Variants in FANCC observed in about 807,000 individuals in gnomAD.
The protein encoded by FANCC is Fanconi anemia group C protein.
A neutral mutation model predicts 71.3 loss-of-function variants in FANCC; 55 were observed. That is an observed-to-expected ratio of 0.77 (90% CI 0.62 to 0.97). The LOEUF is 0.97. Ranked by LOEUF, FANCC falls within the 50% of genes least tolerant of loss-of-function variation. The pLI is 0.00. For synonymous variants in FANCC, 275 were observed against 244.9 expected, an observed-to-expected ratio of 1.12 and a Z score of -1.15; for missense variants, 678 against 670.9, an observed-to-expected ratio of 1.01 and a Z score of -0.12.
intron 1 of FANCC, among the ~76,000 whole-genome samples, chr9:95,309,653 C>T (rs888246342): frequency 6.6e-6 from 1 of 152,164 alleles, no homozygotes; most frequent in Non-Finnish European, 1.5e-5. Context: ...TATACTATAT[C>T]ACCTAGGATG....
chr9:95,293,920 G>C, intron 1 of FANCC: 1 of 1,591,176 alleles, frequency 6.3e-7, no homozygotes, highest in Non-Finnish European at 8.6e-7. Context: ...ATATAATGTT[G>C]CTACAAGTAA....
At chr9:95,297,531 G>T (rs1432466714) in intron 1 of FANCC, among the ~76,000 whole-genome samples, 1 of 152,116 alleles carries the variant, frequency 6.6e-6, no homozygotes, top group African/African-American at 2.4e-5. Context: ...AATGAATGCT[G>T]ACTCTTGTTA....
rs2404457 is a variant in FANCC at position 95,111,153 on chromosome 9, G to A, written c.1329+310C>T. 623,099 of 1,534,788 alleles carry A rather than the reference G, an allele frequency of 0.41. 129,538 individuals carry two copies. The highest frequency in any genetic ancestry group is 0.57 in the East Asian group (23,372 of 40,876). The stretch of plus-strand genomic sequence containing the variant: ...CCGCCTCTGCAGGGCACGCCTTGGA[G>A]GACGCGACCCTGGGGCAGATATGGC... On this transcript the variant is annotated intron_variant, in intron 13 of 14. Coordinates refer to ENST00000289081, the MANE Select transcript of FANCC (RefSeq NM_000136.3).
At chr9:95,110,926 T>C (rs2071864200) in intron 13 of FANCC, 5 of 1,327,214 alleles carry the variant, frequency 3.8e-6, no homozygotes, top group Non-Finnish European at 2.9e-6. Flanking sequence ...AATGACCAAC[T>C]TCTTTTTCAG....
At position 95,307,858 on chromosome 9, in the gene FANCC, A is replaced by G. The variant is rs1835155358; in HGVS notation, c.-79+9668T>C. Among the ~76,000 whole-genome samples the G allele has an allele frequency of 2.6e-5, 4 of 152,226 alleles. No individual in the cohort carries two copies. The South Asian group carries it at 8.3e-4, about 32-fold the overall frequency. On this transcript the variant is annotated intron_variant, in intron 1 of 14. Transcript: ENST00000289081. ...GTCTGTTTTGTGCTGCTATACCAGA[A>G]TATGTGAGACTCAGTAGTTTACAAA...
intron 1 of FANCC, among the ~76,000 whole-genome samples, chr9:95,312,487 G>A (rs1392177773): frequency 1.3e-5 from 2 of 152,250 alleles, no homozygotes; most frequent in East Asian, 1.9e-4. Context: ...ATCAGCCTCC[G>A]TAGTAGGTGG....
chr9:95,135,065 T>C (rs1827469621), intron 8 of FANCC, among the ~76,000 whole-genome samples: 1 of 152,242 alleles, frequency 6.6e-6, no homozygotes, highest in African/African-American at 2.4e-5. Context: ...AAATAAGAAA[T>C]ACTGTTTTTA....
chr9:95,313,742 T>C (rs1211069344), intron 1 of FANCC, among the ~76,000 whole-genome samples: 2 of 152,112 alleles, frequency 1.3e-5, no homozygotes, highest in Non-Finnish European at 2.9e-5. Flanking sequence ...TCCAGCAATA[T>C]GTAAAAAGGA....
At chr9:95,274,439 G>T (rs1361148843) in intron 1 of FANCC, among the ~76,000 whole-genome samples, 1 of 152,134 alleles carries the variant, frequency 6.6e-6, no homozygotes, top group African/African-American at 2.4e-5. Context: ...TGGGCATTTG[G>T]GTTGGTTCCA....
chr9:95,235,434 C>T (rs1830257524), intron 4 of FANCC, among the ~76,000 whole-genome samples: 1 of 152,226 alleles, frequency 6.6e-6, no homozygotes, highest in Non-Finnish European at 1.5e-5. Context: ...CCACCTTACA[C>T]CACACCATAA....
chr9:95,290,334 A>C (rs1833929425), intron 1 of FANCC, among the ~76,000 whole-genome samples: 1 of 152,158 alleles, frequency 6.6e-6, no homozygotes, highest in South Asian at 2.1e-4. Context: ...CATTAGGGAA[A>C]CTGAGGATCT....
intron 1 of FANCC, among the ~76,000 whole-genome samples, chr9:95,307,113 G>C (rs572801781): frequency 6.6e-6 from 1 of 152,026 alleles, no homozygotes; most frequent in Non-Finnish European, 1.5e-5. Context: ...CTGAACTTAC[G>C]GGCTCAAGTG....
At chr9:95,163,086 T>C (rs566474163) in intron 6 of FANCC, among the ~76,000 whole-genome samples, 39 of 152,340 alleles carry the variant, frequency 2.6e-4, no homozygotes, top group Non-Finnish European at 4.7e-4. Flanking sequence ...TTTAGGTCTT[T>C]CATCTATTTT....
At chr9:95,221,348 A>G (rs1375021424) in intron 4 of FANCC, among the ~76,000 whole-genome samples, 1 of 152,240 alleles carries the variant, frequency 6.6e-6, no homozygotes, top group Non-Finnish European at 1.5e-5. Context: ...AAGTTAACTT[A>G]AAATAGATCA....
chr9:95,101,317 G>A lies in FANCC; in HGVS notation c.*390C>T, dbSNP rs911566667. On this transcript the variant is annotated 3_prime_UTR_variant, in exon 15 of 15. Coordinates refer to ENST00000289081, the MANE Select transcript of FANCC (RefSeq NM_000136.3). ...CTAAGTTCTCTCTAAATTCTTTAAT[G>A]GTTCATGACCAAATTCTTGGTTCTA... 24 of 338,300 alleles carry A rather than the reference G, an allele frequency of 7.1e-5. No homozygotes were observed. The highest frequency in any genetic ancestry group is 4.5e-4 in the African/African-American group (22 of 49,190). 21.0% of individuals were successfully genotyped at this position (338,300 alleles called of 1,614,324 possible).
At chr9:95,256,106 G>C (rs1205937937) in intron 1 of FANCC, among the ~76,000 whole-genome samples, 1 of 152,100 alleles carries the variant, frequency 6.6e-6, no homozygotes, top group African/African-American at 2.4e-5. Flanking sequence ...GAACCAAGTT[G>C]GAAAACACTC....
intron 4 of FANCC, among the ~76,000 whole-genome samples, chr9:95,185,893 T>C (rs1034947520): frequency 2.0e-5 from 3 of 152,114 alleles, no homozygotes; most frequent in African/African-American, 7.2e-5. Flanking sequence ...AAACCACACT[T>C]TGAGATGTAT....
At chr9:95,147,958 G>A (rs1397923916) in intron 7 of FANCC, among the ~76,000 whole-genome samples, 1 of 152,148 alleles carries the variant, frequency 6.6e-6, no homozygotes, top group African/African-American at 2.4e-5. Context: ...AATACTTAAA[G>A]TACTGAATAA....
In FANCC at chr9:95,101,696, C is replaced by T; in HGVS notation, c.*11G>A. ...CCCTCACGCCGGGCACCCACACGGC[C>T]TGCGTGCCTTCTAGACTTGAGTTCG... is the stretch of plus-strand genomic sequence containing the variant. On this transcript the variant is annotated 3_prime_UTR_variant, in exon 15 of 15. Coordinates refer to ENST00000289081, the MANE Select transcript of FANCC (RefSeq NM_000136.3). The T allele has an allele frequency of 6.2e-7, 1 of 1,613,582 alleles. No individual in the cohort carries two copies. The highest frequency in any genetic ancestry group is 8.5e-7 in the Non-Finnish European group (1 of 1,179,948).
Sources: allele counts gnomAD v4.1 joint callset (sites outside exome capture counted in the v4.1 genomes callset), GRCh38; gene constraint gnomAD v4.1.1; transcripts MANE v1.5; gene names NCBI Gene and HGNC (gene_info 2026-07-23, HGNC 2026-07-21).